CALB1: variants seen among roughly 807,000 people sequenced by gnomAD.
The protein encoded by CALB1 is calbindin 1, also known as calbindin.
In CALB1, 16 loss-of-function variants were observed where a neutral mutation model predicts 46.7. The ratio of observed to expected loss-of-function variants is 0.34; its 90% CI spans 0.23 to 0.52. The LOEUF is 0.52. CALB1 is among the 20% of genes least tolerant of loss of function. CALB1 has a pLI of 0.95. For synonymous variants in CALB1, 90 were observed against 112.8 expected (o/e 0.80, Z 1.28); for missense variants, 224 against 300.3 (o/e 0.75, Z 1.88).
At chr8:90,072,043 AT>A (rs1437291222) in intron 3 of CALB1, among the ~76,000 whole-genome samples, 33 of 152,178 alleles carry the variant, frequency 2.2e-4, no homozygotes, top group African/African-American at 7.9e-4. Flanking sequence ...GAATTGAGTT[AT>A]TTTTTGCTTA....
Position 90,073,454 on chromosome 8 carries a change from G to A in CALB1, c.232-4217C>T, listed in dbSNP as rs376000953. Among the ~76,000 whole-genome samples the A allele has an allele frequency of 1.4e-4, 22 of 152,292 alleles. 1 individual carries two copies. Among genetic ancestry groups the A allele is most frequent in the Admixed American group, 1.1e-3 (17 of 15,292 alleles). ...GAGACATTCCTGAAGGGTCATCCCA[G>A]CTTCAGAACTCACTGTAGGGTCAGC... On this transcript the variant is annotated intron_variant, in intron 3 of 10. Transcript: ENST00000265431.
At chr8:90,069,123 C>T in intron 4 of CALB1, 31 bp downstream of exon 4, 1 of 1,608,914 alleles carries the variant, frequency 6.2e-7, no homozygotes, top group Non-Finnish European at 8.5e-7. Context: ...CTACTTTAAG[C>T]AGCTTTCTTA....
At chr8:90,065,667 C>G (rs929061073) in intron 6 of CALB1, among the ~76,000 whole-genome samples, 4 of 151,748 alleles carry the variant, frequency 2.6e-5, no homozygotes, top group Non-Finnish European at 5.9e-5. Context: ...CACAGCTCTA[C>G]AAGGAAGAAA....
chr8:90,082,599 T>A lies in CALB1; in HGVS notation c.79+20A>T. 6.2e-7 allele frequency: 1 copy of A among 1,607,324 alleles called. No homozygotes were observed. Among genetic ancestry groups the A allele is most frequent in the South Asian group, 1.1e-5 (1 of 90,926 alleles). On this transcript the variant is annotated intron_variant, in intron 1 of 10. Coordinates refer to ENST00000265431, the MANE Select transcript of CALB1 (RefSeq NM_004929.4). ...GCATGGAAACGGGTCTTGAAACAGTTAAAAAGAGAAGATAATCACCGTCAG... is the reference window on the plus strand; with the variant it reads ...GCATGGAAACGGGTCTTGAAACAGTAAAAAAGAGAAGATAATCACCGTCAG...
At chr8:90,071,004 A>G (rs1814505677) in intron 3 of CALB1, among the ~76,000 whole-genome samples, 1 of 152,154 alleles carries the variant, frequency 6.6e-6, no homozygotes, top group South Asian at 2.1e-4. Flanking sequence ...AATTTAATTC[A>G]AGACCAAATT....
chr8:90,063,619 C>T lies in CALB1; in HGVS notation c.451-158G>A. ...TTTTAAAACTTTCAATGCAAATTTTCAATTCTGTAATGTGTCCATTGCTAG... is the reference window on the plus strand; with the variant it reads ...TTTTAAAACTTTCAATGCAAATTTTTAATTCTGTAATGTGTCCATTGCTAG... On this transcript the variant is annotated intron_variant, in intron 6 of 10. Coordinates refer to ENST00000265431, the MANE Select transcript of CALB1 (RefSeq NM_004929.4). 6.5e-6 allele frequency: 4 copies of T among 618,626 alleles called. No individual in the cohort carries two copies. In the South Asian group the frequency reaches 8.5e-5, roughly 13 times the overall value. 38.3% of individuals were successfully genotyped at this position (618,626 alleles called of 1,614,324 possible).
At chr8:90,074,723 T>G (rs796078301) in intron 3 of CALB1, among the ~76,000 whole-genome samples, 2 of 152,164 alleles carry the variant, frequency 1.3e-5, no homozygotes, top group South Asian at 2.1e-4. Context: ...TGTTACAGTT[T>G]TAGGACTAAA....
In CALB1 at chr8:90,069,144, T is replaced by C; in HGVS notation, c.315+10A>G. ...TAAGCAGCTTTCTTAAAGGGGCAGC[T>C]TTCTTATACCTTCATGAATTCCTCA... On this transcript the variant is annotated intron_variant, in intron 4 of 10. Coordinates refer to ENST00000265431, the MANE Select transcript of CALB1 (RefSeq NM_004929.4). 1 of 1,613,456 alleles carries C rather than the reference T, an allele frequency of 6.2e-7. No individual in the cohort carries two copies. Among genetic ancestry groups the C allele is most frequent in the Non-Finnish European group, 8.5e-7 (1 of 1,179,422 alleles).
chr8:90,070,340 G>A (rs550579193), intron 3 of CALB1, among the ~76,000 whole-genome samples: 37 of 152,236 alleles, frequency 2.4e-4, no homozygotes, highest in Middle Eastern at 3.4e-3. Context: ...ACCCTCATCC[G>A]TGGATTTTAG....
intron 9 of CALB1, chr8:90,062,571 C>T (rs1306374082): frequency 6.6e-6 from 1 of 151,764 alleles, no homozygotes; most frequent in Admixed American, 6.6e-5. Flanking sequence ...AAATGGCCAA[C>T]AGGTAATGAA....
chr8:90,082,002 T>C (rs773500999), intron 2 of CALB1, 24 bp downstream of exon 2: 1 of 1,598,306 alleles, frequency 6.3e-7, no homozygotes, highest in Non-Finnish European at 8.5e-7. Flanking sequence ...AGTCTTTTTT[T>C]CTTTTTCGCA....
chr8:90,071,710 A>C (rs1280734977), intron 3 of CALB1, among the ~76,000 whole-genome samples: 1 of 152,216 alleles, frequency 6.6e-6, no homozygotes, highest in Non-Finnish European at 1.5e-5. Flanking sequence ...AATGGATGTT[A>C]TGTATACATT....
chr8:90,059,691 G>T lies in CALB1; in HGVS notation c.*482C>A, dbSNP rs926972850. The T allele has an allele frequency of 1.3e-5, 2 of 153,570 alleles. No individual in the cohort carries two copies. The highest frequency in any genetic ancestry group is 4.8e-5 in the African/African-American group (2 of 41,432). The allele number at this position is 153,570 out of a possible 1,614,324, so 9.5% of individuals were successfully genotyped here. Reference sequence around the variant, plus strand: ...GCCACAATTAACTATATTTTGGTGAGTATTTTAGATGGAAAAGCACATTCC... The same window carrying T: ...GCCACAATTAACTATATTTTGGTGATTATTTTAGATGGAAAAGCACATTCC... On this transcript the variant is annotated 3_prime_UTR_variant, in exon 11 of 11. Transcript: ENST00000265431.
intron 2 of CALB1, among the ~76,000 whole-genome samples, chr8:90,078,777 A>G (rs1053084991): frequency 6.6e-6 from 1 of 152,022 alleles, no homozygotes; most frequent in African/African-American, 2.4e-5. Context: ...CACCATCAAT[A>G]TATTTTAAAC....
chr8:90,078,718 A>G (rs928135284), intron 2 of CALB1, among the ~76,000 whole-genome samples: 13 of 152,052 alleles, frequency 8.5e-5, no homozygotes, highest in African/African-American at 3.1e-4. Context: ...TTGAAAGTGT[A>G]GTCAGAATCA....
intron 3 of CALB1, among the ~76,000 whole-genome samples, chr8:90,071,006 G>T (rs1170223550): frequency 6.6e-6 from 1 of 151,976 alleles, no homozygotes; most frequent in Non-Finnish European, 1.5e-5. Flanking sequence ...TTTAATTCAA[G>T]ACCAAATTTT....
At position 90,060,684 on chromosome 8, in the gene CALB1, A is replaced by G; in HGVS notation, c.617T>C (p.Ile206Thr). 1 of 1,613,494 alleles carries G rather than the reference A, an allele frequency of 6.2e-7. No homozygotes were observed. The highest frequency in any genetic ancestry group is 8.5e-7 in the Non-Finnish European group (1 of 1,179,470). ...TAAAGCATCCAGTTCATTTTCATCT[A>G]TGTATCCATTGCCGTCCTGGGGGAG... ...ELYDQDGNGY[I>T]DENELDALLK... The change falls in exon 10 of 11, where the codon ATA becomes ACA. Residue 206 changes from isoleucine to threonine, a missense_variant. Ile to Thr is a moderately conservative substitution (Grantham distance 89). Transcript: ENST00000265431.
rs760953750 is a variant in CALB1, at chr8:90,082,583, CG to C, written c.79+35del. 11 of 1,552,352 alleles carry C rather than the reference CG, an allele frequency of 7.1e-6. No homozygotes were observed. In the Admixed American group the frequency reaches 1.0e-4, roughly 14 times the overall value. ...CAAAGAATGGGAAGGGGCATGGAAA[CG>C]GGTCTTGAAACAGTTAAAAAGAGAA... On this transcript the variant is annotated intron_variant, in intron 1 of 10. Transcript: ENST00000265431.
chr8:90,071,414 G>A (rs1475247049), intron 3 of CALB1, among the ~76,000 whole-genome samples: 1 of 152,068 alleles, frequency 6.6e-6, no homozygotes, highest in African/African-American at 2.4e-5. Context: ...TAAGGGGGAA[G>A]AGGAGAAGGG....
Sources: gnomAD v4.1 joint callset for allele counts (sites outside exome capture counted in the v4.1 genomes callset) on GRCh38, gnomAD v4.1.1 for gene constraint, MANE v1.5 for transcripts, NCBI Gene and HGNC (gene_info 2026-07-23, HGNC 2026-07-21) for gene names.